Variants in APBB2 observed in about 807,000 individuals in gnomAD.
APBB2 encodes the protein amyloid beta precursor protein binding family B member 2, also known as Fe65-like 1.
APBB2 carries 38 observed loss-of-function variants against 82.5 expected under a neutral mutation model. The ratio of observed to expected loss-of-function variants is 0.46; its 90% confidence interval spans 0.36 to 0.60. The LOEUF (loss-of-function observed/expected upper bound fraction) is 0.60, where lower values mean the gene tolerates loss of function less well. Ranked by LOEUF, APBB2 falls within the 20% of genes least tolerant of loss-of-function variation. The probability of loss-of-function intolerance (pLI) is 0.00; values close to 1 mark genes in which losing one functional copy is unlikely to be tolerated. For synonymous variants in APBB2, 341 were observed against 368.2 expected (o/e 0.93, Z 0.85); for missense variants, 772 against 972.3 (o/e 0.79, Z 2.74).
At chr4:41,097,698 G>T (rs1446490246) in intron 3 of APBB2, among the ~76,000 whole-genome samples, 1 of 151,764 alleles carries the variant, frequency 6.6e-6, no homozygotes, top group African/African-American at 2.4e-5. Context: ...TTGAAGGTAC[G>T]GTTATATTTT....
intron 1 of APBB2, among the ~76,000 whole-genome samples, chr4:41,196,102 T>G: frequency 6.6e-6 from 1 of 150,654 alleles, no homozygotes; most frequent in Non-Finnish European, 1.5e-5. Flanking sequence ...GAGCTTGCAG[T>G]GAGCCAAGAT....
intron 4 of APBB2, among the ~76,000 whole-genome samples, chr4:41,049,829 T>C (rs1725285589): frequency 6.6e-6 from 1 of 152,198 alleles, no homozygotes; most frequent in Non-Finnish European, 1.5e-5. Context: ...CCCAACCCGG[T>C]GCTCTCTGAA....
rs2154290806 is a variant in APBB2, at chr4:40,811,973, G to T, written c.*4119C>A. On this transcript the variant is annotated 3_prime_UTR_variant, in exon 18 of 18. Transcript: ENST00000508593. ...TTGATGTCAGGTTCTTAAAGGAAGT[G>T]ATAAACTTCTTCGTGCTAAAATATC... 1 of 152,302 alleles carries T rather than the reference G, an allele frequency of 6.6e-6. No homozygotes were observed. Among genetic ancestry groups the T allele is most frequent in the African/African-American group, 2.4e-5 (1 of 41,564 alleles). The allele number at this position is 152,302 out of a possible 1,614,324, so 9.4% of individuals were successfully genotyped here. A position where few individuals can be genotyped will look rare whatever the true frequency, so the allele number is the denominator to read the frequency against.
At chr4:41,090,037 C>A (rs1017165771) in intron 3 of APBB2, among the ~76,000 whole-genome samples, 18 of 152,006 alleles carry the variant, frequency 1.2e-4, no homozygotes, top group Non-Finnish European at 2.4e-4. Flanking sequence ...AGTAAAAAAA[C>A]CCAAACATAA....
chr4:41,182,681 G>C (rs1771753982), intron 1 of APBB2, among the ~76,000 whole-genome samples: 1 of 152,148 alleles, frequency 6.6e-6, no homozygotes, highest in Admixed American at 6.5e-5. Flanking sequence ...TGGCTGGGAG[G>C]CCTCAGGAAA....
Position 41,110,640 on chromosome 4 carries a change from T to C in APBB2, c.-260-9890A>G, listed in dbSNP as rs116489898. ...AAAAAAGACCTCATTTTTATCCTTA[T>C]CATGTACTGACAAAAATTATTTTAG... On this transcript the variant is annotated intron_variant, in intron 2 of 17. Coordinates refer to ENST00000508593, the MANE Select transcript of APBB2 (RefSeq NM_004307.2). 8.1e-3 allele frequency among the ~76,000 whole-genome samples: 1,226 copies of C among 151,584 alleles called. 28 individuals carry two copies. The highest frequency in any genetic ancestry group is 0.029 in the African/African-American group (1,181 of 41,368).
chr4:40,960,605 G>A (rs1449731857), intron 6 of APBB2, among the ~76,000 whole-genome samples: 2 of 151,690 alleles, frequency 1.3e-5, no homozygotes, highest in Non-Finnish European at 2.9e-5. Context: ...CCGCCACCAT[G>A]CCCGGCTAAT....
chr4:41,187,174 A>C (rs560667028), intron 1 of APBB2, among the ~76,000 whole-genome samples: 6 of 152,220 alleles, frequency 3.9e-5, no homozygotes, highest in Non-Finnish European at 8.8e-5. Flanking sequence ...ACAAAATAAG[A>C]TCTCAGGTAG....
intron 6 of APBB2, among the ~76,000 whole-genome samples, chr4:40,987,340 TTTTC>T (rs1477762343): frequency 1.3e-5 from 2 of 152,354 alleles, no homozygotes; most frequent in South Asian, 2.1e-4. Flanking sequence ...GCAGAAGTTG[TTTTC>T]TTTCTCAGTT....
At chr4:40,935,202 G>GAAAAAAAAAA in intron 7 of APBB2, 63 bp from the exon 8 acceptor site, 1 of 806,732 alleles carries the variant, frequency 1.2e-6, no homozygotes, top group Non-Finnish European at 1.8e-6. Flanking sequence ...GAAAAGAAAA[G>GAAAAAAAAAA]AAAAAAAAAA....
intron 12 of APBB2, among the ~76,000 whole-genome samples, chr4:40,840,211 G>C (rs974486661): frequency 6.6e-6 from 1 of 152,178 alleles, no homozygotes. Context: ...CCTAGCATGA[G>C]ATCCAAAATA....
intron 5 of APBB2, among the ~76,000 whole-genome samples, chr4:41,020,983 C>A (rs1811328820): frequency 6.6e-6 from 1 of 152,218 alleles, no homozygotes; most frequent in South Asian, 2.1e-4. Flanking sequence ...CTTTCAAACT[C>A]TTATACCAAC....
At chr4:41,060,661 G>A (rs1376300115) in intron 4 of APBB2, among the ~76,000 whole-genome samples, 3 of 152,158 alleles carry the variant, frequency 2.0e-5, no homozygotes, top group African/African-American at 7.2e-5. Context: ...CAAGCATCAA[G>A]AGGGAGATTT....
chr4:41,097,177 G>C (rs1047020351), intron 3 of APBB2, among the ~76,000 whole-genome samples: 2 of 152,152 alleles, frequency 1.3e-5, no homozygotes, highest in African/African-American at 2.4e-5. Context: ...GATTAAGACA[G>C]CTCGGCAGGA....
At chr4:40,891,951 C>CTT (rs565676579) in intron 11 of APBB2, among the ~76,000 whole-genome samples, 109 of 132,082 alleles carry the variant, frequency 8.3e-4, no homozygotes, top group African/African-American at 2.1e-3. Flanking sequence ...GGGTTTTGTT[C>CTT]TTTTTTTTTT....
intron 1 of APBB2, among the ~76,000 whole-genome samples, chr4:41,160,647 C>T (rs917335405): frequency 6.6e-6 from 1 of 152,186 alleles, no homozygotes; most frequent in African/African-American, 2.4e-5. Flanking sequence ...TGGTGACTAA[C>T]TCCCTTCCCT....
chr4:40,937,111 G>C (rs116077039), intron 7 of APBB2, among the ~76,000 whole-genome samples: 2,045 of 152,250 alleles, frequency 0.013, 22 homozygotes, highest in Non-Finnish European at 0.022. Flanking sequence ...TGTCATCACT[G>C]TTTACATGTG....
chr4:40,951,399 C>A (rs1488292160), intron 6 of APBB2, among the ~76,000 whole-genome samples: 1 of 152,122 alleles, frequency 6.6e-6, no homozygotes, highest in African/African-American at 2.4e-5. Flanking sequence ...TTTTTCAGTA[C>A]CTAAAAGATA....
chr4:40,951,359 C>T (rs1296409460), intron 6 of APBB2, among the ~76,000 whole-genome samples: 1 of 152,088 alleles, frequency 6.6e-6, no homozygotes, highest in Non-Finnish European at 1.5e-5. Context: ...CAGAGATATG[C>T]CGGAATAGAA....
Sources: allele counts gnomAD v4.1 joint callset (sites outside exome capture counted in the v4.1 genomes callset), GRCh38; gene constraint gnomAD v4.1.1; transcripts MANE v1.5; gene names NCBI Gene and HGNC (gene_info 2026-07-23, HGNC 2026-07-21).